SLC19A1: variants seen among roughly 807,000 people sequenced by gnomAD.
SLC19A1 encodes the protein reduced folate transporter.
In SLC19A1, 37 loss-of-function variants were observed where a neutral mutation model predicts 35.3. That is an observed-to-expected ratio of 1.05 (90% CI 0.81 to 1.38). SLC19A1 has a LOEUF of 1.38. Among genes scored for constraint, SLC19A1 ranks in the 40% most tolerant of loss-of-function variants. SLC19A1 has a pLI of 0.00. For missense variants in SLC19A1, 831 were observed against 826.9 expected (o/e 1.00, Z -0.06); for synonymous variants, 460 against 398.5 (o/e 1.15, Z -1.84).
At chr21:45,538,765 C>T (rs770292149) in intron 1 of SLC19A1, among the ~76,000 whole-genome samples, 8 of 152,302 alleles carry the variant, frequency 5.3e-5, no homozygotes, top group South Asian at 4.1e-4. Flanking sequence ...TTACCCTAGA[C>T]GAAAGCAGCT....
chr21:45,512,494 C>T (rs984782511), downstream of SLC19A1: 5 of 1,144,798 alleles, frequency 4.4e-6, no homozygotes, highest in East Asian at 5.0e-5. Context: ...GGCCCCAGGA[C>T]CTGGCTGCCA....
At position 45,515,908 on chromosome 21, in the gene SLC19A1, C is replaced by T. The variant is rs530468908; in HGVS notation, c.1526G>A (p.Gly509Glu). ...CTCCAGGGAGGCTGGCCCCACAGCCCCCAGGCTGTCTTCTGGGGAAAGCGG... is the reference window on the plus strand; with the variant it reads ...CTCCAGGGAGGCTGGCCCCACAGCCTCCAGGCTGTCTTCTGGGGAAAGCGG... ...SPPLSPEDSL[G>E]AVGPASLEQR... is the part of the protein sequence containing the mutation. The change falls in exon 6 of 6, where the codon GGG becomes GAG. Residue 509 changes from glycine (G) to glutamate (E), a missense_variant. By Grantham distance (98) the Gly-to-Glu change is moderately conservative. Coordinates refer to ENST00000311124, the MANE Select transcript of SLC19A1 (RefSeq NM_194255.4). 4.5e-6 allele frequency: 7 copies of T among 1,551,566 alleles called. No homozygotes were observed. In the South Asian group the frequency reaches 4.8e-5, roughly 11 times the overall value.
chr21:45,557,128 C>T (rs910652612), intron 1 of SLC19A1, among the ~76,000 whole-genome samples: 4 of 152,214 alleles, frequency 2.6e-5, no homozygotes, highest in Non-Finnish European at 5.9e-5. Flanking sequence ...TGCACAATGG[C>T]ACCCGCTGCA....
chr21:45,548,851 GA>G (rs1330053671), upstream of SLC19A1, among the ~76,000 whole-genome samples: 2 of 152,170 alleles, frequency 1.3e-5, no homozygotes, highest in African/African-American at 2.4e-5. Flanking sequence ...ATTAAGGCCT[GA>G]AGTACCAAAC....
intron 3 of SLC19A1, among the ~76,000 whole-genome samples, chr21:45,503,642 G>A (rs1486958433): frequency 2.5e-5 from 3 of 118,514 alleles, no homozygotes; most frequent in Admixed American, 9.2e-5. Flanking sequence ...GTTGTGGGGT[G>A]GGGGGAGGGG....
chr21:45,536,769 GA>G (rs2078126262), intron 2 of SLC19A1, among the ~76,000 whole-genome samples: 1 of 152,200 alleles, frequency 6.6e-6, no homozygotes, highest in Non-Finnish European at 1.5e-5. Context: ...GGGAGCAGAG[GA>G]CGGGGTCAGC....
intron 1 of SLC19A1, among the ~76,000 whole-genome samples, chr21:45,554,675 C>T (rs1044288089): frequency 2.0e-5 from 3 of 148,784 alleles, no homozygotes; most frequent in African/African-American, 7.5e-5. Context: ...TTCCTGTGTG[C>T]GTCTCCACAT....
In SLC19A1 at chr21:45,505,491, C is replaced by A; in HGVS notation, c.498-6879G>T. ...CCCGTGCCCTGGCTGGTTCTGCAGC[C>A]CCTGCCCCTCAGAGACACTCTCCCA... is the stretch of plus-strand genomic sequence containing the variant. On this transcript the variant is annotated intron_variant, in intron 3 of 4. Coordinates refer to the SLC19A1 transcript ENST00000417954. The A allele has an allele frequency of 1.2e-5, 11 of 889,432 alleles. No individual in the cohort carries two copies. In the South Asian group the frequency reaches 1.5e-4, roughly 12 times the overall value. 55.1% of individuals were successfully genotyped at this position (889,432 alleles called of 1,614,324 possible).
chr21:45,557,693 C>G (rs1298308248), intron 1 of SLC19A1, among the ~76,000 whole-genome samples: 1 of 152,176 alleles, frequency 6.6e-6, no homozygotes, highest in African/African-American at 2.4e-5. Context: ...CAACCCTCCA[C>G]CACACTCAGA....
chr21:45,502,960 C>T (rs1460946829), intron 3 of SLC19A1: 1 of 152,234 alleles, frequency 6.6e-6, no homozygotes, highest in Non-Finnish European at 1.5e-5. Context: ...AGAAAAACCA[C>T]CACCGAGTCC....
At chr21:45,545,748 G>T (rs1022467425), upstream of SLC19A1, among the ~76,000 whole-genome samples, 10 of 152,198 alleles carry the variant, frequency 6.6e-5, no homozygotes, top group Non-Finnish European at 1.2e-4. Context: ...GGACCGGCCT[G>T]CCATGCCCCA....
At chr21:45,520,553 A>C (rs1317235393) in intron 5 of SLC19A1, among the ~76,000 whole-genome samples, 4 of 152,258 alleles carry the variant, frequency 2.6e-5, no homozygotes, top group Admixed American at 2.0e-4. Flanking sequence ...ACTAGCAACG[A>C]ACATGTATAC....
Position 45,534,789 on chromosome 21 carries a change from C to G in SLC19A1, c.190-2641G>C. ...TGTGACCTGCGTCCCACTTACAAGG[C>G]TGCTGGGGGAGGGGCCCTCACAACG... On this transcript the variant is annotated intron_variant, in intron 2 of 5. Coordinates refer to ENST00000311124, the MANE Select transcript of SLC19A1 (RefSeq NM_194255.4). The surrounding 1 kb of genome is among the most constrained non-coding windows in gnomAD (Gnocchi z 4.2). 1.7e-6 allele frequency: 1 copy of G among 589,700 alleles called. No individual in the cohort carries two copies. Among genetic ancestry groups the G allele is most frequent in the Non-Finnish European group, 3.0e-6 (1 of 332,772 alleles). 36.5% of individuals were successfully genotyped at this position (589,700 alleles called of 1,614,324 possible).
chr21:45,504,159 T>C (rs888048340), intron 3 of SLC19A1: 1 of 1,349,456 alleles, frequency 7.4e-7, no homozygotes, highest in African/African-American at 1.4e-5. Flanking sequence ...CCCTTCCTGT[T>C]CAGCCCTGCG....
intron 5 of SLC19A1, among the ~76,000 whole-genome samples, chr21:45,520,580 T>C (rs1807439644): frequency 6.6e-6 from 1 of 152,234 alleles, no homozygotes; most frequent in Non-Finnish European, 1.5e-5. Context: ...ATGGAATGAA[T>C]TGTGAACCCA....
At position 45,515,212 on chromosome 21, in the gene SLC19A1, C is replaced by A; in HGVS notation, c.*446G>T. The A allele has an allele frequency of 6.6e-7, 1 of 1,516,240 alleles. No homozygotes were observed. Among genetic ancestry groups the A allele is most frequent in the South Asian group, 1.3e-5 (1 of 79,054 alleles). 93.9% of individuals were successfully genotyped at this position (1,516,240 alleles called of 1,614,324 possible). A position where few individuals can be genotyped will look rare whatever the true frequency, so the allele number is the denominator to read the frequency against. On this transcript the variant is annotated 3_prime_UTR_variant, in exon 6 of 6. Transcript: ENST00000311124. Reference sequence around the variant, plus strand: ...AAAAAGCAAGAGCACCAAGGATGACCAGCAATGTCACAGCTCAGCTACACC... The same window carrying A: ...AAAAAGCAAGAGCACCAAGGATGACAAGCAATGTCACAGCTCAGCTACACC...
At chr21:45,512,553 G>A, downstream of SLC19A1, 1 of 705,982 alleles carries the variant, frequency 1.4e-6, no homozygotes, top group South Asian at 1.8e-5. Flanking sequence ...GAAATAAAAG[G>A]AAGCCAAAGA....
chr21:45,505,423 T>G lies in SLC19A1; in HGVS notation c.498-6811A>C, dbSNP rs575230027. 9.1e-6 allele frequency: 14 copies of G among 1,544,914 alleles called. No homozygotes were observed. The highest frequency in any genetic ancestry group is 5.7e-5 in the South Asian group (5 of 87,592). On this transcript the variant is annotated intron_variant, in intron 3 of 4. Coordinates refer to the SLC19A1 transcript ENST00000417954. The stretch of plus-strand genomic sequence containing the variant: ...TGGGCCCCCTGGAACCATGGGCGCC[T>G]CCTCAGGGGTAAGTGTCTGGGCAGC...
intron 4 of SLC19A1, among the ~76,000 whole-genome samples, chr21:45,528,312 C>T (rs1228180151): frequency 2.6e-5 from 4 of 152,068 alleles, no homozygotes; most frequent in South Asian, 2.1e-4. Context: ...TAAAGGCAGA[C>T]GAGTGTGGGG....
Sources: allele counts gnomAD v4.1 joint callset (sites outside exome capture counted in the v4.1 genomes callset), GRCh38; gene constraint gnomAD v4.1.1; non-coding constraint Gnocchi (gnomAD v3.1); transcripts MANE v1.5; gene names NCBI Gene and HGNC (gene_info 2026-07-23, HGNC 2026-07-21).